Variants in PPP2R5A observed in about 807,000 individuals in gnomAD.
The protein encoded by PPP2R5A is serine/threonine-protein phosphatase 2A 56 kDa regulatory subunit alpha isoform.
A neutral mutation model predicts 64.2 loss-of-function variants in PPP2R5A; 25 were observed. The observed-to-expected ratio is 0.39, with a 90% confidence interval of 0.28 to 0.54. PPP2R5A has a LOEUF of 0.54. Ranked by LOEUF, PPP2R5A falls within the 20% of genes least tolerant of loss-of-function variation. PPP2R5A has a pLI of 0.67. For synonymous variants in PPP2R5A, 198 were observed against 201.2 expected, an observed-to-expected ratio of 0.98 and a Z score of 0.13; for missense variants, 425 against 576.3, an observed-to-expected ratio of 0.74 and a Z score of 2.69.
chr1:212,307,006 C>G (rs1658927511), intron 1 of PPP2R5A: 1 of 144,754 alleles, frequency 6.9e-6, no homozygotes, highest in Non-Finnish European at 1.5e-5. Context: ...GTGATCCACC[C>G]ACCTGTGCCT....
chr1:212,309,519 C>G, intron 1 of PPP2R5A: 2 of 754,382 alleles, frequency 2.7e-6, no homozygotes, highest in Non-Finnish European at 4.8e-6. Context: ...TCGGCGCCAT[C>G]TTGTGAAAAG....
rs1348389066 is a variant in PPP2R5A, at chr1:212,361,199, A to G, written c.*429A>G. 6.5e-6 allele frequency: 1 copy of G among 152,884 alleles called. No homozygotes were observed. Among genetic ancestry groups the G allele is most frequent in the Non-Finnish European group, 1.5e-5 (1 of 68,248 alleles). The allele number at this position is 152,884 out of a possible 1,614,324, so 9.5% of individuals were successfully genotyped here. ...ATCCTAGGAAAAAATACTTCCTAAA[A>G]TAAAACTAAGGTATCATCCTTACCC... On this transcript the variant is annotated 3_prime_UTR_variant, in exon 13 of 13. Coordinates refer to ENST00000261461, the MANE Select transcript of PPP2R5A (RefSeq NM_006243.4).
intron 1 of PPP2R5A, among the ~76,000 whole-genome samples, chr1:212,296,559 C>T (rs1472269171): frequency 6.6e-6 from 1 of 152,170 alleles, no homozygotes; most frequent in East Asian, 1.9e-4. Flanking sequence ...TCTGTGTACA[C>T]TGCATGATAA....
rs180933472 is a variant in PPP2R5A, at chr1:212,354,171, G to A, written c.928-2455G>A. The stretch of plus-strand genomic sequence containing the variant: ...TGCACTCCAGCCTGGGTGACAGAGC[G>A]AGACTCTGTCTCAAAAATAAATAAA... On this transcript the variant is annotated intron_variant, in intron 8 of 12. Coordinates refer to ENST00000261461, the MANE Select transcript of PPP2R5A (RefSeq NM_006243.4). 1.4e-4 allele frequency among the ~76,000 whole-genome samples: 21 copies of A among 152,072 alleles called. No homozygotes were observed. In the East Asian group the frequency reaches 2.1e-3, roughly 15 times the overall value.
At chr1:212,322,303 C>T (rs1356805700) in intron 1 of PPP2R5A, among the ~76,000 whole-genome samples, 6 of 138,050 alleles carry the variant, frequency 4.3e-5, no homozygotes, top group Non-Finnish European at 9.4e-5. Context: ...GAGCTTCTTA[C>T]AGATTGTTAC....
chr1:212,347,370 T>A lies in PPP2R5A; in HGVS notation c.728T>A (p.Phe243Tyr). 6.3e-7 allele frequency: 1 copy of A among 1,594,244 alleles called. No homozygotes were observed. Among genetic ancestry groups the A allele is most frequent in the Non-Finnish European group, 8.6e-7 (1 of 1,164,148 alleles). Reference protein sequence around the residue: ...FLRFIYETEHFNGVAELLEIL... With the variant: ...FLRFIYETEHYNGVAELLEIL... ...AGGTTTATATATGAAACAGAACATT[T>A]CAATGGTGTTGCTGAACTTCTTGAA... Residue 243 changes from phenylalanine (F) to tyrosine (Y), a missense_variant, in exon 6 of 13, where the codon TTC becomes TAC. Coordinates refer to ENST00000261461, the MANE Select transcript of PPP2R5A (RefSeq NM_006243.4).
intron 1 of PPP2R5A, chr1:212,301,745 T>A: frequency 1.0e-6 from 1 of 957,328 alleles, no homozygotes; most frequent in Non-Finnish European, 1.3e-6. Context: ...TGCCAGTTTC[T>A]TAAATTAGAA....
At chr1:212,302,639 A>G (rs1658817866) in intron 1 of PPP2R5A, among the ~76,000 whole-genome samples, 1 of 152,228 alleles carries the variant, frequency 6.6e-6, no homozygotes, top group Non-Finnish European at 1.5e-5. Context: ...AAAGTATACA[A>G]TTCCATGGCT....
intron 8 of PPP2R5A, among the ~76,000 whole-genome samples, chr1:212,349,508 G>C (rs1197440003): frequency 1.3e-5 from 2 of 152,146 alleles, no homozygotes; most frequent in Non-Finnish European, 2.9e-5. Flanking sequence ...GATGACCACA[G>C]TGAAATTTTA....
At chr1:212,325,462 T>C (rs1659389211) in intron 1 of PPP2R5A, among the ~76,000 whole-genome samples, 1 of 152,018 alleles carries the variant, frequency 6.6e-6, no homozygotes, top group Non-Finnish European at 1.5e-5. Context: ...GAGGAGGTGG[T>C]AGTGGGAGGA....
intron 1 of PPP2R5A, among the ~76,000 whole-genome samples, chr1:212,318,290 TG>T (rs1454672334): frequency 2.2e-5 from 3 of 136,316 alleles, no homozygotes; most frequent in African/African-American, 2.5e-5. Flanking sequence ...AAGGCATATC[TG>T]TTTTTTTTTT....
intron 3 of PPP2R5A, among the ~76,000 whole-genome samples, chr1:212,341,082 T>TTA (rs1274134208): frequency 6.6e-6 from 1 of 152,206 alleles, no homozygotes; most frequent in Non-Finnish European, 1.5e-5. Context: ...TTTCTGCTTT[T>TTA]TATACCTATT....
At chr1:212,342,083 T>TC in intron 3 of PPP2R5A, 105 bp from the exon 4 acceptor site, 2 of 1,429,330 alleles carry the variant, frequency 1.4e-6, no homozygotes, top group Non-Finnish European at 9.3e-7. Flanking sequence ...ATCTGAAATC[T>TC]CCCCACTAAG....
chr1:212,320,520 G>A (rs1659252833), intron 1 of PPP2R5A, among the ~76,000 whole-genome samples: 1 of 151,904 alleles, frequency 6.6e-6, no homozygotes, highest in Non-Finnish European at 1.5e-5. Context: ...CAGTAGGGGC[G>A]GCCGGGCAGA....
intron 1 of PPP2R5A, among the ~76,000 whole-genome samples, chr1:212,328,837 C>A (rs1297229044): frequency 4.6e-5 from 7 of 152,178 alleles, no homozygotes; most frequent in Non-Finnish European, 1.0e-4. Context: ...ATAATCTCCA[C>A]TACTCTGGAG....
intron 1 of PPP2R5A, among the ~76,000 whole-genome samples, chr1:212,304,849 C>T (rs945383250): frequency 6.6e-6 from 1 of 151,218 alleles, no homozygotes; most frequent in Non-Finnish European, 1.5e-5. Flanking sequence ...TCTCCTGCCC[C>T]AGCCTCCTGA....
intron 1 of PPP2R5A, chr1:212,299,665 A>G (rs1416297360): frequency 6.6e-5 from 10 of 152,232 alleles, no homozygotes; most frequent in Non-Finnish European, 1.3e-4. Flanking sequence ...GTTAGATGTC[A>G]TCTCCTCAAA....
chr1:212,337,392 GCCTAGAA>G (rs1314349283), intron 3 of PPP2R5A, among the ~76,000 whole-genome samples: 6 of 152,090 alleles, frequency 3.9e-5, no homozygotes, highest in African/African-American at 1.4e-4. Context: ...GTAGGATAGT[GCCTAGAA>G]CATAGACCTT....
chr1:212,303,749 T>G (rs548295910), intron 1 of PPP2R5A, among the ~76,000 whole-genome samples: 1 of 152,380 alleles, frequency 6.6e-6, no homozygotes, highest in East Asian at 1.9e-4. Flanking sequence ...TTCATTATTT[T>G]GTGTGTAGTT....
Sources: allele counts gnomAD v4.1 joint callset (sites outside exome capture counted in the v4.1 genomes callset), GRCh38; gene constraint gnomAD v4.1.1; transcripts MANE v1.5; gene names NCBI Gene and HGNC (gene_info 2026-07-23, HGNC 2026-07-21).